Variants in PDE4D observed in about 807,000 individuals in gnomAD.
PDE4D encodes the protein phosphodiesterase 4D, also known as 3',5'-cyclic-AMP phosphodiesterase 4D.
PDE4D carries 24 observed loss-of-function variants against 87.4 expected under a neutral mutation model. That is an observed-to-expected ratio of 0.27 (90% CI 0.20 to 0.39). PDE4D has a LOEUF of 0.39. PDE4D is among the 10% of genes least tolerant of loss of function. The probability of loss-of-function intolerance (pLI) is 1.00; values close to 1 mark genes in which losing one functional copy is unlikely to be tolerated. For missense variants in PDE4D, 714 were observed against 1,041.0 expected, an observed-to-expected ratio of 0.69 and a Z score of 4.32; for synonymous variants, 384 against 383.2, an observed-to-expected ratio of 1.00 and a Z score of -0.02.
Position 58,990,805 on chromosome 5 carries a change from T to C in PDE4D, c.1286A>G (p.Gln429Arg), listed in dbSNP as rs1196836267. The C allele has an allele frequency of 5.7e-5, 88 of 1,539,840 alleles. No individual in the cohort carries two copies. Among genetic ancestry groups the C allele is most frequent in the Non-Finnish European group, 7.8e-5 (87 of 1,121,398 alleles). Residue 429 changes from glutamine to arginine, a missense_variant and splice_region_variant, in exon 9 of 15, where the codon CAG (glutamine) becomes CGG (arginine). Gln to Arg is a conservative substitution (Grantham distance 43). Transcript: ENST00000340635. ...PLTVIMHTIF[Q>R]ERDLLKTFKI... ...TGTAATAGAACTCAACCACCTTACC[T>C]GAAAAATGGTGTGCATGATAACAGT... is the stretch of plus-strand genomic sequence containing the variant.
At chr5:60,011,112 G>C (rs1011155421) in intron 2 of PDE4D, among the ~76,000 whole-genome samples, 1 of 152,114 alleles carries the variant, frequency 6.6e-6, no homozygotes, top group African/African-American at 2.4e-5. Flanking sequence ...AGGAAAACAG[G>C]TCTGCAAACA....
intron 2 of PDE4D, among the ~76,000 whole-genome samples, chr5:60,160,031 C>G (rs1782334991): frequency 6.6e-6 from 1 of 152,122 alleles, no homozygotes; most frequent in Admixed American, 6.5e-5. Context: ...GCAAGATCAA[C>G]CTGACCTCTT....
chr5:60,218,048 T>C (rs552967984), intron 1 of PDE4D, among the ~76,000 whole-genome samples: 2 of 152,162 alleles, frequency 1.3e-5, no homozygotes, highest in African/African-American at 2.4e-5. Flanking sequence ...ACTCTAGCTA[T>C]GTCAACTAAA....
intron 1 of PDE4D, among the ~76,000 whole-genome samples, chr5:59,655,884 A>G (rs1744269335): frequency 6.6e-6 from 1 of 152,198 alleles, no homozygotes; most frequent in South Asian, 2.1e-4. Flanking sequence ...CTGGAACTTC[A>G]TACTCCAAAG....
At chr5:59,667,627 A>T (rs2150312708) in intron 1 of PDE4D, among the ~76,000 whole-genome samples, 1 of 152,266 alleles carries the variant, frequency 6.6e-6, no homozygotes, top group South Asian at 2.1e-4. Context: ...CGAACCTGAG[A>T]ATCATCTTAG....
At position 60,016,446 on chromosome 5, in the gene PDE4D, A is replaced by G. The variant is rs560607214; in HGVS notation, c.43-27729T>C. Among the ~76,000 whole-genome samples the G allele has an allele frequency of 3.3e-5, 5 of 152,220 alleles. No individual in the cohort carries two copies. The East Asian group carries it at 7.7e-4, about 24-fold the overall frequency. On this transcript the variant is annotated intron_variant, in intron 2 of 16. Transcript: ENST00000502484. The stretch of plus-strand genomic sequence containing the variant: ...GTCAATTTCTTAAAATAATACAACA[A>G]TGAAGTTTGCCACATCCATTGACTC...
At chr5:59,389,759 C>A (rs1787863102) in intron 1 of PDE4D, among the ~76,000 whole-genome samples, 2 of 151,998 alleles carry the variant, frequency 1.3e-5, no homozygotes, top group Admixed American at 6.6e-5. Flanking sequence ...CACAGAAAGA[C>A]AGATATGGCA....
At chr5:60,339,254 G>T (rs532395398) in intron 1 of PDE4D, among the ~76,000 whole-genome samples, 1 of 152,052 alleles carries the variant, frequency 6.6e-6, no homozygotes, top group East Asian at 1.9e-4. Flanking sequence ...TATTCAAATT[G>T]CCAGCATCCC....
intron 1 of PDE4D, among the ~76,000 whole-genome samples, chr5:59,641,531 A>G (rs1383883676): frequency 6.6e-6 from 1 of 152,224 alleles, no homozygotes; most frequent in Non-Finnish European, 1.5e-5. Context: ...AAAAATCACA[A>G]TAGGAGTCTT....
intron 2 of PDE4D, among the ~76,000 whole-genome samples, chr5:60,182,881 G>GAA (rs558346227): frequency 6.1e-5 from 7 of 114,728 alleles, no homozygotes; most frequent in Admixed American, 1.8e-4. Flanking sequence ...CTCCGTCTCA[G>GAA]AAAAAAAAAA....
chr5:59,394,111 T>C (rs955049468), intron 1 of PDE4D, among the ~76,000 whole-genome samples: 1 of 146,528 alleles, frequency 6.8e-6, no homozygotes, highest in East Asian at 2.0e-4. Flanking sequence ...TGCTAAAATA[T>C]ACTGTGTCGT....
At position 59,999,540 on chromosome 5, in the gene PDE4D, AAC is replaced by A. The variant is rs796424001; in HGVS notation, c.43-10825_43-10824del. ...GTATCCCGTGGTAAAAAAAAAAAAA[AAC>A]AAAACAAAACTGGAGAGGCTCCCAA... On this transcript the variant is annotated intron_variant, in intron 2 of 16. Coordinates refer to the PDE4D transcript ENST00000502484. Among the ~76,000 whole-genome samples, 13 of 98,452 alleles carry A rather than the reference AAC, an allele frequency of 1.3e-4. 1 individual carries two copies. The highest frequency in any genetic ancestry group is 5.5e-4 in the African/African-American group (11 of 19,898). 64.6% of individuals were successfully genotyped at this position (98,452 alleles called of 152,430 possible).
At chr5:59,166,191 G>T (rs1164176286) in intron 5 of PDE4D, 3 of 152,182 alleles carry the variant, frequency 2.0e-5, no homozygotes, top group African/African-American at 7.2e-5. Context: ...GGGGAGAATT[G>T]TATGGAATCC....
chr5:59,364,496 T>C (rs1782729323), intron 1 of PDE4D, among the ~76,000 whole-genome samples: 1 of 152,234 alleles, frequency 6.6e-6, no homozygotes, highest in Non-Finnish European at 1.5e-5. Context: ...AGCAAAATTC[T>C]GAGTTAAATT....
At chr5:59,224,699 CAT>C (rs1753351950) in intron 1 of PDE4D, among the ~76,000 whole-genome samples, 1 of 152,124 alleles carries the variant, frequency 6.6e-6, no homozygotes, top group Non-Finnish European at 1.5e-5. Context: ...CCCTAGAATT[CAT>C]ATGTTAAACG....
intron 1 of PDE4D, among the ~76,000 whole-genome samples, chr5:59,242,641 A>G (rs1350121500): frequency 6.6e-6 from 1 of 152,210 alleles, no homozygotes; most frequent in East Asian, 1.9e-4. Context: ...ATGAATACCA[A>G]TGACAACAGT....
intron 1 of PDE4D, among the ~76,000 whole-genome samples, chr5:60,201,206 C>CAAAAAAAAAAAA (rs1161235940): frequency 1.8e-4 from 11 of 61,826 alleles, no homozygotes; most frequent in Non-Finnish European, 2.0e-4. Context: ...AAAAAGAAAG[C>CAAAAAAAAAAAA]AAAAAAAAAA....
At chr5:59,529,175 T>C in intron 1 of PDE4D, 1 of 482,856 alleles carries the variant, frequency 2.1e-6, no homozygotes, top group Non-Finnish European at 4.1e-6. Context: ...TGGTATTATG[T>C]TTTCAAAACT....
intron 5 of PDE4D, among the ~76,000 whole-genome samples, chr5:59,074,161 A>G (rs1765313216): frequency 2.6e-5 from 4 of 152,204 alleles, no homozygotes; most frequent in Admixed American, 2.6e-4. Flanking sequence ...TTTGTTAATA[A>G]CTTCATACTA....
Sources: allele counts gnomAD v4.1 joint callset (sites outside exome capture counted in the v4.1 genomes callset), GRCh38; gene constraint gnomAD v4.1.1; transcripts MANE v1.5; gene names NCBI Gene and HGNC (gene_info 2026-07-23, HGNC 2026-07-21).